The following RALGDS variants were observed in gnomAD, a reference collection of about 807,000 sequenced individuals.
RALGDS encodes ral guanine nucleotide dissociation stimulator, also known as ral guanine nucleotide exchange factor.
Under a neutral mutation model 99.8 loss-of-function variants are expected in RALGDS, and 44 were observed. The observed-to-expected ratio is 0.44, with a 90% CI of 0.35 to 0.57. RALGDS has a LOEUF of 0.57. Ranked by LOEUF, RALGDS falls within the 20% of genes least tolerant of loss-of-function variation. The probability of loss-of-function intolerance (pLI) is 0.01; values close to 1 mark genes in which losing one functional copy is unlikely to be tolerated. For synonymous variants in RALGDS, 529 were observed against 505.0 expected, an observed-to-expected ratio of 1.05 and a Z score of -0.64; for missense variants, 1,022 against 1,203.1, an observed-to-expected ratio of 0.85 and a Z score of 2.23.
intron 1 of RALGDS, among the ~76,000 whole-genome samples, chr9:133,136,808 G>A (rs534490015): frequency 2.6e-5 from 4 of 151,714 alleles, no homozygotes; most frequent in Non-Finnish European, 5.9e-5. Context: ...ATGGTGGTGC[G>A]TGCCTGTAAT....
intron 9 of RALGDS, chr9:133,104,586 TGGATCACTTGAGGTCAGGA>T (rs1564230802): frequency 2.0e-6 from 1 of 505,212 alleles, no homozygotes; most frequent in Non-Finnish European, 3.6e-6. Context: ...CCAAGGCAGG[TGGATCACTTGAGGTCAGGA>T]GTTTAAGACC....
intron 16 of RALGDS, chr9:133,101,174 A>C: frequency 8.3e-7 from 1 of 1,199,180 alleles, no homozygotes; most frequent in Non-Finnish European, 1.1e-6. Context: ...CACCAGACAG[A>C]GAAGCCAGCC....
At chr9:133,126,081 G>A (rs1453106352), upstream of RALGDS, among the ~76,000 whole-genome samples, 1 of 152,150 alleles carries the variant, frequency 6.6e-6, no homozygotes, top group Non-Finnish European at 1.5e-5. Context: ...TGGAGCCTCT[G>A]CTGGGAGGAA....
At chr9:133,103,922 TGGGGGACCTC>T in intron 10 of RALGDS, 89 bp from the exon 11 acceptor site, 1 of 1,324,632 alleles carries the variant, frequency 7.5e-7, no homozygotes, top group East Asian at 2.3e-5. Context: ...TTGGAACAGC[TGGGGGACCTC>T]TGGGGGCCTC....
chr9:133,121,015 A>T lies in RALGDS; in HGVS notation c.140T>A (p.Leu47Gln). Residue 47 changes from leucine (L) to glutamine (Q), a missense_variant, in exon 1 of 18, where the codon CTG becomes CAG. Around this residue, in one of 3 missense-constraint regions of RALGDS, gnomAD observed 180 missense variants for 169.3 expected, o/e 1.06. Transcript: ENST00000372050. Reference sequence around the variant, plus strand: ...GGGGTCTAGCTGCGTGAAGCTGTGCAGCACCACCGGGCAGCTGTCGGGGAC... The same window carrying T: ...GGGGTCTAGCTGCGTGAAGCTGTGCTGCACCACCGGGCAGCTGTCGGGGAC... ...VGVPDSCPVV[L>Q]HSFTQLDPDL... 1 of 1,497,882 alleles carries T rather than the reference A, an allele frequency of 6.7e-7. No homozygotes were observed. Among genetic ancestry groups the T allele is most frequent in the Non-Finnish European group, 8.8e-7 (1 of 1,130,178 alleles). The allele number at this position is 1,497,882 out of a possible 1,614,324, so 92.8% of individuals were successfully genotyped here. A position where few individuals can be genotyped will look rare whatever the true frequency, so the allele number is the denominator to read the frequency against.
chr9:133,135,938 A>T (rs1217560911), upstream of RALGDS, among the ~76,000 whole-genome samples: 1 of 152,198 alleles, frequency 6.6e-6, no homozygotes, highest in Non-Finnish European at 1.5e-5. Flanking sequence ...TGTTGCAGCA[A>T]TGTCAACTGC....
intron 1 of RALGDS, among the ~76,000 whole-genome samples, chr9:133,140,413 C>T (rs1440329885): frequency 6.6e-6 from 1 of 152,126 alleles, no homozygotes; most frequent in Non-Finnish European, 1.5e-5. Flanking sequence ...TGGACAAGCC[C>T]ACCCCTCCCT....
At chr9:133,103,036 C>T (rs1380119182) in intron 12 of RALGDS, 136 bp from the exon 13 acceptor site, 1 of 1,437,170 alleles carries the variant, frequency 7.0e-7, no homozygotes, top group East Asian at 2.4e-5. Flanking sequence ...AAGTTGGGCT[C>T]AGCCACTCCC....
chr9:133,108,434 T>C (rs1427934330), intron 5 of RALGDS, 28 bp from the exon 6 acceptor site: 3 of 1,528,576 alleles, frequency 2.0e-6, no homozygotes, highest in Middle Eastern at 1.7e-4. Context: ...TTCAACAACA[T>C]GCCAGCCTTT....
chr9:133,116,299 G>T (rs1346021909), intron 1 of RALGDS, among the ~76,000 whole-genome samples: 1 of 152,260 alleles, frequency 6.6e-6, no homozygotes, highest in East Asian at 1.9e-4. Context: ...GCCCACAGAG[G>T]CGGCCTCAGA....
At chr9:133,100,986 G>A (rs893355305) in intron 16 of RALGDS, 12 of 1,051,790 alleles carry the variant, frequency 1.1e-5, no homozygotes, top group East Asian at 1.6e-4. Flanking sequence ...TTCATCTGTC[G>A]CAGGACACCT....
At chr9:133,135,067 A>G (rs912504758), upstream of RALGDS, among the ~76,000 whole-genome samples, 12 of 152,102 alleles carry the variant, frequency 7.9e-5, no homozygotes, top group African/African-American at 2.9e-4. Flanking sequence ...AAGTATCTCA[A>G]TGACCTCCAG....
chr9:133,122,861 T>C (rs1329653676), upstream of RALGDS, among the ~76,000 whole-genome samples: 1 of 152,092 alleles, frequency 6.6e-6, no homozygotes, highest in Non-Finnish European at 1.5e-5. Flanking sequence ...CCTGCCACCA[T>C]GCCCAGCTAG....
intron 10 of RALGDS, 100 bp downstream of exon 10, chr9:133,104,163 C>T: frequency 7.8e-7 from 1 of 1,283,298 alleles, no homozygotes. Flanking sequence ...AGGAGGCTAC[C>T]TCTAATGGGG....
In RALGDS at chr9:133,098,902, G is replaced by C. The variant is rs139232151; in HGVS notation, c.2570-140C>G. 4,072 of 792,996 alleles carry C rather than the reference G, an allele frequency of 5.1e-3. 44 individuals are homozygous for C. Among genetic ancestry groups the C allele is most frequent in the Admixed American group, 4.2e-3 (183 of 43,958 alleles). 49.1% of individuals were successfully genotyped at this position (792,996 alleles called of 1,614,324 possible). ...TCCAATACAGCTCCAGAACTCCAAG[G>C]ACCCCTCTCAATGACTCCTGCCTGA... On this transcript the variant is annotated intron_variant, in intron 17 of 17. Coordinates refer to ENST00000372050, the MANE Select transcript of RALGDS (RefSeq NM_006266.4).
At chr9:133,114,913 G>C (rs1198832499) in intron 1 of RALGDS, among the ~76,000 whole-genome samples, 1 of 152,180 alleles carries the variant, frequency 6.6e-6, no homozygotes, top group Admixed American at 6.5e-5. Context: ...CGGTGAGCAG[G>C]GGCCCCCACA....
At chr9:133,137,695 T>C (rs988797961) in intron 1 of RALGDS, among the ~76,000 whole-genome samples, 1 of 152,102 alleles carries the variant, frequency 6.6e-6, no homozygotes, top group African/African-American at 2.4e-5. Flanking sequence ...GGCCCTGGAG[T>C]TTCCCAGAAG....
chr9:133,126,123 C>T (rs551461643), upstream of RALGDS, among the ~76,000 whole-genome samples: 18 of 152,282 alleles, frequency 1.2e-4, no homozygotes, highest in Admixed American at 4.6e-4. Flanking sequence ...AAGCACTGCC[C>T]GGAAGTGGGG....
intron 1 of RALGDS, among the ~76,000 whole-genome samples, chr9:133,115,859 G>A (rs1042817375): frequency 6.6e-6 from 1 of 152,246 alleles, no homozygotes; most frequent in African/African-American, 2.4e-5. Flanking sequence ...GTGGGTGGGA[G>A]CAGCTTTCTG....
Sources: gnomAD v4.1 joint callset for allele counts (sites outside exome capture counted in the v4.1 genomes callset) on GRCh38, gnomAD v4.1.1 for gene constraint, gnomAD v4.1.1 regional missense constraint, MANE v1.5 for transcripts, NCBI Gene and HGNC (gene_info 2026-07-23, HGNC 2026-07-21) for gene names.